Variants in SH3RF3 observed in about 807,000 individuals in gnomAD.
The protein encoded by SH3RF3 is SH3 domain containing ring finger 3.
In SH3RF3, 29 loss-of-function variants were observed where a neutral mutation model predicts 66.3. The ratio of observed to expected loss-of-function variants is 0.44; its 90% CI spans 0.33 to 0.60. The LOEUF (loss-of-function observed/expected upper bound fraction) is 0.60, where lower values mean the gene tolerates loss of function less well. Ranked by LOEUF, SH3RF3 falls within the 20% of genes least tolerant of loss-of-function variation. The probability of loss-of-function intolerance (pLI) is 0.04; values close to 1 mark genes in which losing one functional copy is unlikely to be tolerated. For synonymous variants in SH3RF3, 583 were observed against 532.0 expected, an observed-to-expected ratio of 1.10 and a Z score of -1.32; for missense variants, 1,194 against 1,190.9, an observed-to-expected ratio of 1.00 and a Z score of -0.04.
At chr2:109,427,673 C>T (rs1228012310) in intron 5 of SH3RF3, among the ~76,000 whole-genome samples, 3 of 152,366 alleles carry the variant, frequency 2.0e-5, no homozygotes, top group African/African-American at 7.2e-5. Context: ...GCCTCACAGC[C>T]GTGCCACCCC....
At chr2:109,437,443 A>G (rs929061192) in intron 7 of SH3RF3, among the ~76,000 whole-genome samples, 1 of 152,200 alleles carries the variant, frequency 6.6e-6, no homozygotes, top group African/African-American at 2.4e-5. Context: ...TGGCAGCTGA[A>G]GTAAATTTAC....
intron 1 of SH3RF3, among the ~76,000 whole-genome samples, chr2:109,205,130 A>G (rs1678778901): frequency 1.3e-5 from 2 of 152,192 alleles, no homozygotes; most frequent in African/African-American, 4.8e-5. Context: ...TGCCTTGAAT[A>G]CAAGAGATTG....
At chr2:109,344,771 G>A (rs955429313) in intron 1 of SH3RF3, among the ~76,000 whole-genome samples, 4 of 152,148 alleles carry the variant, frequency 2.6e-5, no homozygotes, top group Admixed American at 2.0e-4. Context: ...GATGACTGAA[G>A]GTCCTTGCCG....
At chr2:109,362,204 A>T (rs889623983) in intron 2 of SH3RF3, among the ~76,000 whole-genome samples, 1 of 152,186 alleles carries the variant, frequency 6.6e-6, no homozygotes, top group Non-Finnish European at 1.5e-5. Flanking sequence ...ATTCAGTGCT[A>T]TAAATTTCCC....
chr2:109,326,208 C>T (rs1309352226), intron 1 of SH3RF3, among the ~76,000 whole-genome samples: 1 of 152,212 alleles, frequency 6.6e-6, no homozygotes, highest in Non-Finnish European at 1.5e-5. Context: ...TTTTCTGTAA[C>T]TTGCTTCTTC....
intron 1 of SH3RF3, among the ~76,000 whole-genome samples, chr2:109,289,512 G>A (rs576122291): frequency 2.0e-5 from 3 of 152,314 alleles, no homozygotes; most frequent in Admixed American, 6.5e-5. Flanking sequence ...GTCAGACATT[G>A]TGTGTGGTGG....
intron 1 of SH3RF3, among the ~76,000 whole-genome samples, chr2:109,151,573 G>A (rs1366508255): frequency 6.6e-6 from 1 of 152,214 alleles, no homozygotes; most frequent in Non-Finnish European, 1.5e-5. Flanking sequence ...TCGGCATGTA[G>A]TTACTATGAA....
At chr2:109,391,483 AGCACACTCCT>A (rs1267188195) in intron 3 of SH3RF3, among the ~76,000 whole-genome samples, 1 of 152,234 alleles carries the variant, frequency 6.6e-6, no homozygotes, top group Non-Finnish European at 1.5e-5. Context: ...ACAGGTCTCC[AGCACACTCCT>A]GCAGTGCTCT....
At chr2:109,342,891 G>A (rs1206553609) in intron 1 of SH3RF3, among the ~76,000 whole-genome samples, 1 of 152,174 alleles carries the variant, frequency 6.6e-6, no homozygotes, top group Non-Finnish European at 1.5e-5. Flanking sequence ...GCCTTGCAGG[G>A]GTGGCTGATG....
chr2:109,432,996 A>G (rs1298546503), intron 6 of SH3RF3, among the ~76,000 whole-genome samples: 1 of 152,258 alleles, frequency 6.6e-6, no homozygotes, highest in Non-Finnish European at 1.5e-5. Context: ...GTGTGCACAT[A>G]TATACAGTGT....
At chr2:109,394,123 G>C (rs62152251) in intron 3 of SH3RF3, among the ~76,000 whole-genome samples, 5,182 of 152,280 alleles carry the variant, frequency 0.034, 117 homozygotes, top group Non-Finnish European at 0.053. Context: ...CTGTAGAACT[G>C]TTTAAAGGAT....
intron 5 of SH3RF3, among the ~76,000 whole-genome samples, chr2:109,420,822 C>G (rs1676857895): frequency 6.6e-6 from 1 of 152,222 alleles, no homozygotes; most frequent in Non-Finnish European, 1.5e-5. Flanking sequence ...AGTAGCTCAG[C>G]TGCTGGCACA....
intron 1 of SH3RF3, among the ~76,000 whole-genome samples, chr2:109,321,055 A>G (rs1682014552): frequency 6.6e-6 from 1 of 152,104 alleles, no homozygotes; most frequent in African/African-American, 2.4e-5. Context: ...CTGATAACTT[A>G]TAGACATGTA....
chr2:109,353,766 G>A (rs1005728148), intron 2 of SH3RF3, among the ~76,000 whole-genome samples: 3 of 152,220 alleles, frequency 2.0e-5, no homozygotes, highest in African/African-American at 7.2e-5. Context: ...CAAGACGAGA[G>A]AGTCTCCCCT....
chr2:109,353,070 T>C (rs372810792), intron 2 of SH3RF3, among the ~76,000 whole-genome samples: 88 of 152,352 alleles, frequency 5.8e-4, no homozygotes, highest in African/African-American at 2.0e-3. Flanking sequence ...CTCTCAAATC[T>C]GTGCCACATG....
intron 2 of SH3RF3, among the ~76,000 whole-genome samples, chr2:109,368,051 C>T (rs375773951): frequency 1.3e-5 from 2 of 152,218 alleles, no homozygotes; most frequent in African/African-American, 4.8e-5. Flanking sequence ...GAATATTAGC[C>T]AGGTATGCCA....
rs150908338 is a variant in SH3RF3, at chr2:109,400,876, A to T, written c.1299+1933A>T. Among the ~76,000 whole-genome samples, 734 of 152,306 alleles carry T rather than the reference A, an allele frequency of 4.8e-3. 4 individuals are homozygous for T. Among genetic ancestry groups the T allele is most frequent in the African/African-American group, 0.017 (703 of 41,578 alleles). On this transcript the variant is annotated intron_variant, in intron 4 of 9. Coordinates refer to ENST00000309415, the MANE Select transcript of SH3RF3 (RefSeq NM_001099289.3). ...GAGCCATATTCCCCAGAGAACAGCC[A>T]TTGGGGCTGCTAGTGCATTTTCTGT... is the stretch of plus-strand genomic sequence containing the variant.
chr2:109,312,169 T>C (rs1209397580), intron 1 of SH3RF3, among the ~76,000 whole-genome samples: 1 of 152,212 alleles, frequency 6.6e-6, no homozygotes, highest in Non-Finnish European at 1.5e-5. Flanking sequence ...CTCCAAATCT[T>C]ACAAAGTCTA....
At chr2:109,327,966 G>A (rs902667913) in intron 1 of SH3RF3, among the ~76,000 whole-genome samples, 1 of 152,164 alleles carries the variant, frequency 6.6e-6, no homozygotes, top group Non-Finnish European at 1.5e-5. Flanking sequence ...TGTGTCAGGC[G>A]ATATCCAGCA....
Sources: allele counts gnomAD v4.1 joint callset (sites outside exome capture counted in the v4.1 genomes callset), GRCh38; gene constraint gnomAD v4.1.1; transcripts MANE v1.5; gene names NCBI Gene and HGNC (gene_info 2026-07-23, HGNC 2026-07-21).